The following MS4A12 variants were observed in gnomAD, a reference collection of about 807,000 sequenced individuals.
The protein encoded by MS4A12 is membrane-spanning 4-domains subfamily A member 12.
A neutral mutation model predicts 23.7 loss-of-function variants in MS4A12; 28 were observed. The observed-to-expected ratio is 1.18, with a 90% confidence interval of 0.88 to 1.62. The LOEUF (loss-of-function observed/expected upper bound fraction) is 1.62. Among genes scored for constraint, MS4A12 ranks in the 40% most tolerant of loss-of-function variants. MS4A12 has a pLI of 0.00. For synonymous variants in MS4A12, 108 were observed against 110.1 expected (o/e 0.98, Z 0.12); for missense variants, 342 against 327.0 (o/e 1.05, Z -0.35).
rs2086549710 is a variant in MS4A12 at position 60,503,821 on chromosome 11, A to G, written c.588+4A>G. 6.2e-7 allele frequency: 1 copy of G among 1,608,532 alleles called. No homozygotes were observed. The stretch of plus-strand genomic sequence containing the variant: ...TGGCCAAGACTACTGGGCCGTGGTA[A>G]GTATCCCATACTCCACCATGTGCCT... On this transcript the variant is annotated splice_donor_region_variant and intron_variant, in intron 5 of 6. Transcript: ENST00000016913.
chr11:60,504,571 C>A (rs1473675522), intron 5 of MS4A12, among the ~76,000 whole-genome samples: 1 of 152,080 alleles, frequency 6.6e-6, no homozygotes, highest in Non-Finnish European at 1.5e-5. Flanking sequence ...TTTCAGTTTA[C>A]AAAAAGCAGA....
At chr11:60,494,924 A>G (rs2086476398) in intron 1 of MS4A12, among the ~76,000 whole-genome samples, 1 of 152,190 alleles carries the variant, frequency 6.6e-6, no homozygotes, top group Non-Finnish European at 1.5e-5. Flanking sequence ...TGTTACTCCA[A>G]GAGTCACAGC....
intron 5 of MS4A12, among the ~76,000 whole-genome samples, chr11:60,504,553 C>A (rs2086556913): frequency 6.6e-6 from 1 of 152,262 alleles, no homozygotes; most frequent in African/African-American, 2.4e-5. Flanking sequence ...GTTGGTTTTG[C>A]TTTTGCTTTT....
chr11:60,500,261 C>CAA (rs1322776085), intron 2 of MS4A12, among the ~76,000 whole-genome samples: 1 of 131,938 alleles, frequency 7.6e-6, no homozygotes, highest in African/African-American at 2.8e-5. Context: ...CAAAAAAAAA[C>CAA]AAAAAAAAAA....
Position 60,503,750 on chromosome 11 carries a change from T to C in MS4A12, c.521T>C (p.Ile174Thr). 2 of 1,613,956 alleles carry C rather than the reference T, an allele frequency of 1.2e-6. No individual in the cohort carries two copies. Among genetic ancestry groups the C allele is most frequent in the Non-Finnish European group, 1.7e-6 (2 of 1,179,868 alleles). Residue 174 changes from isoleucine to threonine, a missense_variant, in exon 5 of 7, where the codon ATT becomes ACT. By Grantham distance (89) the Ile-to-Thr change is moderately conservative. Coordinates refer to ENST00000016913, the MANE Select transcript of MS4A12 (RefSeq NM_017716.3). ...MNIVSSILAFIGVILLLVDMC... is the reference protein window; with the variant it reads ...MNIVSSILAFTGVILLLVDMC... Reference sequence around the variant, plus strand: ...ATTGTTAGTTCTATCTTGGCCTTCATTGGAGTGATTCTGCTGCTGGTGGAT... The same window carrying C: ...ATTGTTAGTTCTATCTTGGCCTTCACTGGAGTGATTCTGCTGCTGGTGGAT...
intron 4 of MS4A12, among the ~76,000 whole-genome samples, chr11:60,503,183 T>C (rs1250966464): frequency 1.3e-5 from 2 of 152,198 alleles, no homozygotes; most frequent in African/African-American, 4.8e-5. Flanking sequence ...TTTCTCCTTC[T>C]AAATTTGGGG....
intron 2 of MS4A12, 96 bp downstream of exon 2, chr11:60,497,690 C>A: frequency 3.0e-6 from 4 of 1,334,260 alleles, no homozygotes; most frequent in South Asian, 1.4e-5. Context: ...AAGTTCTGAA[C>A]GTTATTCTGA....
intron 3 of MS4A12, among the ~76,000 whole-genome samples, chr11:60,501,737 G>A (rs1223612016): frequency 6.6e-6 from 1 of 152,116 alleles, no homozygotes; most frequent in Non-Finnish European, 1.5e-5. Flanking sequence ...GGATGGAGCA[G>A]TAAGCCTCAG....
intron 2 of MS4A12, among the ~76,000 whole-genome samples, chr11:60,499,942 T>C (rs1278634587): frequency 1.3e-5 from 2 of 152,108 alleles, no homozygotes; most frequent in Non-Finnish European, 2.9e-5. Context: ...GAAGAATGAT[T>C]GGTAAGAAAA....
chr11:60,506,616 A>T, intron 5 of MS4A12, 112 bp from the exon 6 acceptor site: 1 of 700,002 alleles, frequency 1.4e-6, no homozygotes, highest in South Asian at 1.9e-5. Flanking sequence ...AAGAATAAGC[A>T]TGGAGCGAGT....
Position 60,507,188 on chromosome 11 carries a change from A to T in MS4A12, c.*64A>T. Reference sequence around the variant, plus strand: ...AAACTACTTGCAAAAACTTCTTAAGAAGATGTCTTTTATTGTCTACAATGA... The same window carrying T: ...AAACTACTTGCAAAAACTTCTTAAGTAGATGTCTTTTATTGTCTACAATGA... On this transcript the variant is annotated 3_prime_UTR_variant, in exon 7 of 7. Transcript: ENST00000016913. 2.3e-6 allele frequency: 3 copies of T among 1,284,422 alleles called. No individual in the cohort carries two copies. The highest frequency in any genetic ancestry group is 3.4e-6 in the Non-Finnish European group (3 of 887,750). The allele number at this position is 1,284,422 out of a possible 1,614,324, so 79.6% of individuals were successfully genotyped here.
At chr11:60,497,634 C>G in intron 2 of MS4A12, 40 bp downstream of exon 2, 1 of 1,597,486 alleles carries the variant, frequency 6.3e-7, no homozygotes, top group Admixed American at 1.7e-5. Flanking sequence ...TTCACATTTG[C>G]AAGGTCTTCT....
intron 4 of MS4A12, among the ~76,000 whole-genome samples, chr11:60,503,064 A>G (rs1263709855): frequency 6.6e-6 from 1 of 152,190 alleles, no homozygotes; most frequent in Admixed American, 6.5e-5. Flanking sequence ...CTAGCAAGTC[A>G]CCTGCGGACT....
At chr11:60,496,846 G>C (rs1420713521) in intron 1 of MS4A12, among the ~76,000 whole-genome samples, 1 of 152,136 alleles carries the variant, frequency 6.6e-6, no homozygotes, top group African/African-American at 2.4e-5. Context: ...ATACACCTTG[G>C]TTCATGGACG....
chr11:60,497,187 T>A, intron 1 of MS4A12, 126 bp from the exon 2 acceptor site: 1 of 1,094,258 alleles, frequency 9.1e-7, no homozygotes. Context: ...TCAGTTGTTA[T>A]GGCCCATTAT....
At chr11:60,497,657 G>T in intron 2 of MS4A12, 63 bp downstream of exon 2, 2 of 1,538,698 alleles carry the variant, frequency 1.3e-6, no homozygotes, top group Non-Finnish European at 1.8e-6. Flanking sequence ...TAAGTTATAG[G>T]AGAGTATCAT....
rs143892341 is a variant in MS4A12 at position 60,501,057 on chromosome 11, A to G, written c.289A>G (p.Met97Val). The change falls in exon 3 of 7, where the codon ATG (methionine) becomes GTG (valine). Residue 97 changes from methionine to valine, a missense_variant. By Grantham distance (21) the Met-to-Val change is conservative. Coordinates refer to ENST00000016913, the MANE Select transcript of MS4A12 (RefSeq NM_017716.3). ...TTTCTTTTTTCAGGTGATCCAGATC[A>G]TGGTTGGATTGATGCACATTGGTTT... The part of the protein sequence containing the change: ...EAKALGVIQI[M>V]VGLMHIGFGI... 36 of 1,604,036 alleles carry G rather than the reference A, an allele frequency of 2.2e-5. No homozygotes were observed. In the African/African-American group the frequency reaches 4.0e-4, roughly 18 times the overall value.
rs1482285417 is a variant in MS4A12, at chr11:60,493,444, T to C, written c.-7+616T>C. 3.3e-5 allele frequency among the ~76,000 whole-genome samples: 5 copies of C among 150,666 alleles called. No individual in the cohort carries two copies. The East Asian group carries it at 9.8e-4, about 29-fold the overall frequency. ...ATAGGTTCAACTGTATGCCATTCCA[T>C]GAACATGGGCCCAAAAGGACGAGGC... On this transcript the variant is annotated intron_variant, in intron 1 of 6. Coordinates refer to ENST00000016913, the MANE Select transcript of MS4A12 (RefSeq NM_017716.3).
At chr11:60,498,515 C>T (rs1012814813) in intron 2 of MS4A12, among the ~76,000 whole-genome samples, 1 of 152,154 alleles carries the variant, frequency 6.6e-6, no homozygotes, top group African/African-American at 2.4e-5. Context: ...GCCAATGGGA[C>T]AAACTAACAC....
Sources: allele counts gnomAD v4.1 joint callset (sites outside exome capture counted in the v4.1 genomes callset), GRCh38; gene constraint gnomAD v4.1.1; transcripts MANE v1.5; gene names NCBI Gene and HGNC (gene_info 2026-07-23, HGNC 2026-07-21).